PCDHA8: variants seen among roughly 807,000 people sequenced by gnomAD.
The protein encoded by PCDHA8 is protocadherin alpha-8.
In PCDHA8, 53 loss-of-function variants were observed where a neutral mutation model predicts 61.8. That is an observed-to-expected ratio of 0.86 (90% CI 0.69 to 1.08). PCDHA8 has a LOEUF of 1.08. PCDHA8 is among the 50% of genes least tolerant of loss of function. PCDHA8 has a pLI of 0.00. For synonymous variants in PCDHA8, 618 were observed against 556.6 expected, an observed-to-expected ratio of 1.11 and a Z score of -1.55; for missense variants, 1,293 against 1,245.0, an observed-to-expected ratio of 1.04 and a Z score of -0.58.
rs187034758 is a variant in PCDHA8 at position 140,897,376 on chromosome 5, C to G, written c.2394+53661C>G. 8.0e-3 allele frequency among the ~76,000 whole-genome samples: 1,079 copies of G among 134,538 alleles called. 8 individuals are homozygous for G. Among genetic ancestry groups the G allele is most frequent in the Non-Finnish European group, 0.013 (863 of 65,384 alleles). 88.3% of individuals were successfully genotyped at this position (134,538 alleles called of 152,430 possible). A position where few individuals can be genotyped will look rare whatever the true frequency, so the allele number is the denominator to read the frequency against. ...TGTCCCCAGAGTGTGATGTTCCCTT[C>G]CCCTTCCTGTGTCCATGTGTTCTCA... On this transcript the variant is annotated intron_variant, in intron 1 of 3. Coordinates refer to ENST00000531613, the MANE Select transcript of PCDHA8 (RefSeq NM_018911.3).
At position 140,841,219 on chromosome 5, in the gene PCDHA8, G is replaced by C. The variant is rs2150312047; in HGVS notation, c.-103G>C. ...CTGACAGCATCTGTCTCTAAAGGCC[G>C]AACAACGGGAGATGCAGCGGAATTG... On this transcript the variant is annotated 5_prime_UTR_variant, in exon 1 of 4. Coordinates refer to ENST00000531613, the MANE Select transcript of PCDHA8 (RefSeq NM_018911.3). The C allele has an allele frequency of 2.3e-5, 33 of 1,437,984 alleles. No individual in the cohort carries two copies. Among genetic ancestry groups the C allele is most frequent in the Admixed American group, 4.6e-5 (2 of 43,726 alleles). 89.1% of individuals were successfully genotyped at this position (1,437,984 alleles called of 1,614,324 possible). A position where few individuals can be genotyped will look rare whatever the true frequency, so the allele number is the denominator to read the frequency against.
intron 1 of PCDHA8, chr5:140,966,920 C>G: frequency 6.2e-7 from 1 of 1,602,674 alleles, no homozygotes; most frequent in Non-Finnish European, 8.5e-7. Flanking sequence ...GCCAGAGGAG[C>G]AGGCACCCGG....
In PCDHA8 at chr5:140,841,540, C is replaced by T; in HGVS notation, c.219C>T (p.Asp73=). The T allele has an allele frequency of 1.2e-6, 2 of 1,613,694 alleles. No homozygotes were observed. The highest frequency in any genetic ancestry group is 1.3e-5 in the African/African-American group (1 of 74,980). The change falls in exon 1 of 4, where the codon GAC becomes GAT. Residue 73 remains aspartate, a synonymous_variant. Coordinates refer to ENST00000531613, the MANE Select transcript of PCDHA8 (RefSeq NM_018911.3). ...GGGTGGCGTCCAAAAGACACCGGGACCTTCTGGAGGTAAGTCTGCAGAATG... is the reference window on the plus strand; with the variant it reads ...GGGTGGCGTCCAAAAGACACCGGGATCTTCTGGAGGTAAGTCTGCAGAATG... ...LFRVASKRHR[D]LLEVSLQNGI...
chr5:140,882,116 GTTTC>G (rs1420968771), intron 1 of PCDHA8: 4 of 1,427,956 alleles, frequency 2.8e-6, no homozygotes, highest in South Asian at 1.4e-5. Flanking sequence ...GAAAGCCGCC[GTTTC>G]TTTCTTCCTG....
chr5:140,970,873 A>G (rs138100298), intron 1 of PCDHA8, among the ~76,000 whole-genome samples: 80 of 152,316 alleles, frequency 5.3e-4, no homozygotes, highest in African/African-American at 1.8e-3. Context: ...GATTGAGAGT[A>G]GATTTTTCTC....
At chr5:140,954,149 G>A (rs1301810560) in intron 1 of PCDHA8, among the ~76,000 whole-genome samples, 2 of 152,204 alleles carry the variant, frequency 1.3e-5, no homozygotes, top group Non-Finnish European at 2.9e-5. Flanking sequence ...ATTCCATGGT[G>A]TATATGTACC....
chr5:140,970,059 G>C (rs2096380498), intron 1 of PCDHA8, among the ~76,000 whole-genome samples: 1 of 152,150 alleles, frequency 6.6e-6, no homozygotes. Context: ...GTCCAGGGAG[G>C]TATTAGAATG....
Position 140,858,030 on chromosome 5 carries a change from C to T in PCDHA8, c.2394+14315C>T, listed in dbSNP as rs534379807. 197 of 1,597,024 alleles carry T rather than the reference C, an allele frequency of 1.2e-4. 17 individuals are homozygous for T. Among genetic ancestry groups the T allele is most frequent in the Middle Eastern group, 3.3e-4 (2 of 5,996 alleles). On this transcript the variant is annotated intron_variant, in intron 1 of 3. Coordinates refer to ENST00000531613, the MANE Select transcript of PCDHA8 (RefSeq NM_018911.3). ...CATGGCGAGCCGTCGCTGACGGCCA[C>T]GGCCACTGTGCTTGTGTCGCTTGTG...
In PCDHA8 at chr5:140,937,196, C is replaced by G. The variant is rs915023517; in HGVS notation, c.2395-41753C>G. On this transcript the variant is annotated intron_variant, in intron 1 of 3. Transcript: ENST00000531613. ...GGGACTACAGGCGCCCGCCACCATG[C>G]CCGGCTAATTTTTTGTATTTTTTGT... Among the ~76,000 whole-genome samples, 5 of 152,108 alleles carry G rather than the reference C, an allele frequency of 3.3e-5. No homozygotes were observed. In the East Asian group the frequency reaches 7.8e-4, roughly 24 times the overall value.
chr5:140,928,161 C>A, intron 1 of PCDHA8: 3 of 1,613,960 alleles, frequency 1.9e-6, no homozygotes, highest in East Asian at 2.2e-5. Context: ...GTGGCTCACC[C>A]CCACTTAGCA....
intron 1 of PCDHA8, among the ~76,000 whole-genome samples, chr5:140,903,945 C>G (rs191892568): frequency 2.6e-5 from 4 of 152,162 alleles, no homozygotes; most frequent in Non-Finnish European, 5.9e-5. Context: ...CTCTTAAATA[C>G]TGGAAAATTA....
chr5:140,867,523 A>AGT (rs2050005446), intron 1 of PCDHA8: 1 of 152,088 alleles, frequency 6.6e-6, no homozygotes, highest in South Asian at 2.1e-4. Context: ...TTAATAGTTG[A>AGT]ATATATATAT....
intron 1 of PCDHA8, among the ~76,000 whole-genome samples, chr5:140,975,280 T>C (rs914764307): frequency 6.6e-6 from 1 of 152,252 alleles, no homozygotes; most frequent in Non-Finnish European, 1.5e-5. Flanking sequence ...CTCTGACCTC[T>C]AGACCCAGAT....
At chr5:140,897,518 T>A (rs2066160092) in intron 1 of PCDHA8, among the ~76,000 whole-genome samples, 2 of 152,260 alleles carry the variant, frequency 1.3e-5, no homozygotes, top group Admixed American at 1.3e-4. Context: ...GGACATGAAC[T>A]CATCATTTTT....
intron 1 of PCDHA8, among the ~76,000 whole-genome samples, chr5:140,937,332 C>T (rs1003482242): frequency 6.3e-4 from 96 of 152,212 alleles, no homozygotes; most frequent in African/African-American, 2.0e-3. Context: ...CCACCGCGCC[C>T]GGCTTCTTCC....
intron 3 of PCDHA8, among the ~76,000 whole-genome samples, chr5:140,994,883 A>G (rs1197020328): frequency 2.6e-5 from 4 of 152,222 alleles, no homozygotes; most frequent in Non-Finnish European, 5.9e-5. Context: ...AAGAGATGTT[A>G]GGAAATGAGA....
rs2150319014 is a variant in PCDHA8 at position 140,841,601 on chromosome 5, G to A, written c.280G>A (p.Glu94Lys). The A allele has an allele frequency of 1.8e-5, 29 of 1,614,018 alleles. No individual in the cohort carries two copies. Among genetic ancestry groups the A allele is most frequent in the South Asian group, 8.8e-5 (8 of 91,086 alleles). The change falls in exon 1 of 4, where the codon GAG (glutamate) becomes AAG (lysine). Residue 94 changes from glutamate (E) to lysine (K), a missense_variant. By Grantham distance (56) the Glu-to-Lys change is moderately conservative. Coordinates refer to ENST00000531613, the MANE Select transcript of PCDHA8 (RefSeq NM_018911.3). The part of the protein sequence containing the change: ...LFVNSRIDRE[E>K]LCGRSAECSI... The stretch of plus-strand genomic sequence containing the variant: ...TGTGAATTCTCGGATCGACCGCGAG[G>A]AGCTGTGCGGGCGGAGCGCGGAGTG...
Position 140,884,627 on chromosome 5 carries a change from G to C in PCDHA8, c.2394+40912G>C, listed in dbSNP as rs140550923. On this transcript the variant is annotated intron_variant, in intron 1 of 3. Transcript: ENST00000531613. ...TTGTCTGGGTTCTGCAGAGGGAACA[G>C]GCCAGAGGGAGGAGGACTCAGAATG... The C allele has an allele frequency of 4.8e-5, 77 of 1,612,780 alleles. No individual in the cohort carries two copies. In the African/African-American group the frequency reaches 8.8e-4, roughly 18 times the overall value.
Position 140,841,742 on chromosome 5 carries a change from T to G in PCDHA8, c.421T>G (p.Phe141Val), listed in dbSNP as rs2150322045. Residue 141 changes from phenylalanine to valine, a missense_variant, in exon 1 of 4, where the codon TTT becomes GTT. By Grantham distance (50) the Phe-to-Val change is conservative (BLOSUM62 -1). Transcript: ENST00000531613. ...GTTCCGGGTAAAAGACCAAAAGCTG[T>G]TTGTTTCAGAATCCAGAATGCCAGA... ...PVFRVKDQKL[F>V]VSESRMPDSR... 8 of 1,613,830 alleles carry G rather than the reference T, an allele frequency of 5.0e-6. 1 individual carries two copies. In the South Asian group the frequency reaches 8.8e-5, roughly 18 times the overall value.
Sources: gnomAD v4.1 joint callset for allele counts (sites outside exome capture counted in the v4.1 genomes callset) on GRCh38, gnomAD v4.1.1 for gene constraint, MANE v1.5 for transcripts, NCBI Gene and HGNC (gene_info 2026-07-23, HGNC 2026-07-21) for gene names.